The following PDXDC1 variants were observed in gnomAD, a reference collection of about 807,000 sequenced individuals.
The protein encoded by PDXDC1 is pyridoxal dependent decarboxylase domain containing 1, also known as pyridoxal-dependent decarboxylase domain-containing protein 1.
In PDXDC1, 42 loss-of-function variants were observed where a neutral mutation model predicts 100.1. That is an observed-to-expected ratio of 0.42 (90% CI 0.33 to 0.54). The LOEUF (loss-of-function observed/expected upper bound fraction) is 0.54. Among genes scored for constraint, PDXDC1 ranks in the 20% least tolerant of loss-of-function variants. The pLI, the probability that PDXDC1 is intolerant of heterozygous loss-of-function variation, is 0.10. For synonymous variants in PDXDC1, 260 were observed against 371.7 expected, an observed-to-expected ratio of 0.70 and a Z score of 3.46; for missense variants, 636 against 979.2, an observed-to-expected ratio of 0.65 and a Z score of 4.68.
intron 16 of PDXDC1, among the ~76,000 whole-genome samples, chr16:15,064,077 T>C (rs2044844054): frequency 6.6e-6 from 1 of 152,312 alleles, no homozygotes; most frequent in Middle Eastern, 3.4e-3. Flanking sequence ...TTAGAAACCA[T>C]AATAAGCAAA....
rs542529380 is a variant in PDXDC1, at chr16:15,128,181, G to A, written c.1400-10698G>A. ...GGTCAGGCTCGCAGGGCGCCCCAAC[G>A]CGGGGGCAGAGGGGCAGAGCTTGGC... is the stretch of plus-strand genomic sequence containing the variant. On this transcript the variant is annotated intron_variant, in intron 16 of 16. Coordinates refer to the PDXDC1 transcript ENST00000535621. 1.1e-5 allele frequency: 18 copies of A among 1,610,488 alleles called. No homozygotes were observed. In the East Asian group the frequency reaches 2.0e-4, roughly 18 times the overall value.
intron 16 of PDXDC1, chr16:15,047,870 C>T (rs767604798): frequency 6.2e-7 from 1 of 1,613,026 alleles, no homozygotes; most frequent in South Asian, 1.1e-5. Flanking sequence ...TGCCTCAGGA[C>T]CACAATGTGA....
At chr16:15,071,054 T>G (rs1163019561) in intron 16 of PDXDC1, 10 of 1,403,238 alleles carry the variant, frequency 7.1e-6, no homozygotes, top group Non-Finnish European at 9.7e-6. Context: ...TATTTCTGAC[T>G]TGAGACAATG....
At chr16:15,030,373 C>T (rs1193741279) in intron 16 of PDXDC1, among the ~76,000 whole-genome samples, 2 of 152,054 alleles carry the variant, frequency 1.3e-5, no homozygotes, top group African/African-American at 2.4e-5. Flanking sequence ...AGTGAAATCC[C>T]GCCCCTACTA....
intron 16 of PDXDC1, among the ~76,000 whole-genome samples, chr16:15,064,290 C>A (rs1176616150): frequency 6.6e-6 from 1 of 152,142 alleles, no homozygotes; most frequent in Non-Finnish European, 1.5e-5. Flanking sequence ...ATTCTCCTGC[C>A]TCAGCCTCCC....
chr16:15,130,488 G>A (rs765815445), intron 16 of PDXDC1: 2 of 1,377,976 alleles, frequency 1.5e-6, no homozygotes, highest in Non-Finnish European at 2.1e-6. Context: ...CGTGAGCCCA[G>A]GCTCCGCCAG....
chr16:15,031,137 C>CTTTTTTTTTTTT (rs1270155714), intron 16 of PDXDC1, among the ~76,000 whole-genome samples: 1 of 114,222 alleles, frequency 8.8e-6, no homozygotes, highest in Non-Finnish European at 1.8e-5. Context: ...TTTTTTTTTC[C>CTTTTTTTTTTTT]ATAGAGACGT....
At chr16:14,998,476 GCT>G in intron 3 of PDXDC1, 71 bp downstream of exon 3, 1 of 1,531,006 alleles carries the variant, frequency 6.5e-7, no homozygotes, top group East Asian at 2.3e-5. Context: ...ATGGAGTCGT[GCT>G]CTGTTGCCCA....
chr16:15,039,275 G>A (rs772629890), downstream of PDXDC1, among the ~76,000 whole-genome samples: 1 of 152,138 alleles, frequency 6.6e-6, no homozygotes, highest in Non-Finnish European at 1.5e-5. Context: ...CACTCCTTGA[G>A]AAGTCCTAAA....
chr16:15,009,289 G>A (rs1356827799), intron 7 of PDXDC1: 1 of 341,952 alleles, frequency 2.9e-6, no homozygotes, highest in Admixed American at 4.6e-5. Context: ...GGAAAAGGAA[G>A]GGATGGATTT....
Position 15,035,533 on chromosome 16 carries a change from G to A in PDXDC1, c.2087G>A (p.Arg696His), listed in dbSNP as rs778783741. The change falls in exon 22 of 23, where the codon CGC becomes CAC. Residue 696 changes from arginine (R) to histidine (H), a missense_variant. Coordinates refer to ENST00000396410, the MANE Select transcript of PDXDC1 (RefSeq NM_015027.4). ...VTLPPTPSGSRTKQRLPGQKP... is the reference protein window; with the variant it reads ...VTLPPTPSGSHTKQRLPGQKP... ...CTGCCTCCAACGCCCTCGGGCAGTC[G>A]CACCAAGCAGAGGCTTCCAGGTAAG... 48 of 1,609,026 alleles carry A rather than the reference G, an allele frequency of 3.0e-5. No homozygotes were observed. Among genetic ancestry groups the A allele is most frequent in the Middle Eastern group, 1.9e-4 (1 of 5,394 alleles).
At position 15,038,221 on chromosome 16, in the gene PDXDC1, A is replaced by G. The variant is rs754318040; in HGVS notation, c.*1946A>G. Reference sequence around the variant, plus strand: ...CGAAGTGGAAAGATTCTGAAAACACAAGATGGTGGGCATTAGAGAAGCCAA... The same window carrying G: ...CGAAGTGGAAAGATTCTGAAAACACGAGATGGTGGGCATTAGAGAAGCCAA... On this transcript the variant is annotated 3_prime_UTR_variant, in exon 23 of 23. Transcript: ENST00000396410. 2 of 1,609,642 alleles carry G rather than the reference A, an allele frequency of 1.2e-6. No homozygotes were observed. Among genetic ancestry groups the G allele is most frequent in the East Asian group, 4.5e-5 (2 of 44,854 alleles).
intron 16 of PDXDC1, among the ~76,000 whole-genome samples, chr16:15,079,354 A>G (rs1031003407): frequency 6.6e-6 from 1 of 152,220 alleles, no homozygotes; most frequent in Non-Finnish European, 1.5e-5. Flanking sequence ...CCCTTAAGAA[A>G]GGCCAAACAG....
At position 15,064,008 on chromosome 16, in the gene PDXDC1, A is replaced by C. The variant is rs193266890; in HGVS notation, c.1399+33952A>C. Among the ~76,000 whole-genome samples, 654 of 152,322 alleles carry C rather than the reference A, an allele frequency of 4.3e-3. 2 individuals carry two copies. The highest frequency in any genetic ancestry group is 8.1e-3 in the Admixed American group (124 of 15,300). On this transcript the variant is annotated intron_variant, in intron 16 of 16. Transcript: ENST00000535621. ...TAGGAAAAACAACTAATCTGGTTTC[A>C]GTCAACCAAGACTTCAGGGACCAGA...
the PDXDC1 span, among the ~76,000 whole-genome samples, chr16:15,149,094 C>T: frequency 6.6e-6 from 1 of 152,180 alleles, no homozygotes; most frequent in Non-Finnish European, 1.5e-5. Context: ...TGCCTCCGCT[C>T]GGCTGCCAGG....
chr16:15,056,954 C>T (rs2044546959), intron 16 of PDXDC1, among the ~76,000 whole-genome samples: 1 of 152,148 alleles, frequency 6.6e-6, no homozygotes, highest in Admixed American at 6.5e-5. Flanking sequence ...TGCAGAGCCC[C>T]TAATCTGAGG....
intron 16 of PDXDC1, among the ~76,000 whole-genome samples, chr16:15,075,963 CTGAT>C (rs2045436697): frequency 6.6e-6 from 1 of 152,190 alleles, no homozygotes; most frequent in Non-Finnish European, 1.5e-5. Flanking sequence ...GAACCAATGA[CTGAT>C]TGACAAGGCA....
chr16:15,104,594 A>G (rs773852179), intron 16 of PDXDC1: 2 of 1,599,534 alleles, frequency 1.3e-6, no homozygotes, highest in East Asian at 2.2e-5. Context: ...GATAGAGCAG[A>G]CACTCCGCAG....
rs185125104 is a variant in PDXDC1, at chr16:15,089,732, G to A, written c.1400-49147G>A. On this transcript the variant is annotated intron_variant, in intron 16 of 16. Transcript: ENST00000535621. ...GGAGAATCGCTTGAACCCGGGAGGC[G>A]GAGCTTGCAGTGAGCCAAGATTGCG... is the stretch of plus-strand genomic sequence containing the variant. Among the ~76,000 whole-genome samples the A allele has an allele frequency of 5.0e-3, 695 of 140,400 alleles. 4 individuals carry two copies. The highest frequency in any genetic ancestry group is 0.018 in the African/African-American group (667 of 37,632). The allele number at this position is 140,400 out of a possible 152,430, so 92.1% of individuals were successfully genotyped here.
Sources: gnomAD v4.1 joint callset for allele counts (sites outside exome capture counted in the v4.1 genomes callset) on GRCh38, gnomAD v4.1.1 for gene constraint, MANE v1.5 for transcripts, NCBI Gene and HGNC (gene_info 2026-07-23, HGNC 2026-07-21) for gene names.